SRRM1: variants seen among roughly 807,000 people sequenced by gnomAD.
The protein encoded by SRRM1 is serine/arginine repetitive matrix protein 1.
A neutral mutation model predicts 110.2 loss-of-function variants in SRRM1; 19 were observed. The ratio of observed to expected loss-of-function variants is 0.17; its 90% CI spans 0.12 to 0.25. The LOEUF is 0.25. SRRM1 is among the 10% of genes least tolerant of loss of function. SRRM1 has a pLI of 1.00. For missense variants in SRRM1, 918 were observed against 1,145.8 expected, an observed-to-expected ratio of 0.80 and a Z score of 2.87; for synonymous variants, 443 against 414.9, an observed-to-expected ratio of 1.07 and a Z score of -0.82.
rs140895941 is a variant in SRRM1, at chr1:24,651,491, C to G, written c.604C>G (p.Arg202Gly). ...AAAGCGCAGTCATTCTCGATCTCCC[C>G]GTCACAGAACCAAGAGCCGGAGTCC... ...ERKRSHSRSPRHRTKSRSPSP... is the reference protein window; with the variant it reads ...ERKRSHSRSPGHRTKSRSPSP... Residue 202 changes from arginine (R) to glycine (G), a missense_variant, in exon 6 of 17, where the codon CGT (arginine) becomes GGT (glycine). Coordinates refer to ENST00000323848, the MANE Select transcript of SRRM1 (RefSeq NM_005839.4). The G allele has an allele frequency of 6.8e-6, 11 of 1,614,008 alleles. No individual in the cohort carries two copies. Among genetic ancestry groups the G allele is most frequent in the Non-Finnish European group, 8.5e-6 (10 of 1,180,024 alleles).
chr1:24,654,757 C>T (rs1663028175), intron 8 of SRRM1, 98 bp from the exon 9 acceptor site: 13 of 1,426,232 alleles, frequency 9.1e-6, no homozygotes, highest in East Asian at 2.3e-5. Context: ...ACTCAAAAGT[C>T]GGATTAAAAT....
chr1:24,664,099 G>A (rs375204877), intron 12 of SRRM1, among the ~76,000 whole-genome samples: 3 of 147,420 alleles, frequency 2.0e-5, no homozygotes, highest in African/African-American at 5.0e-5. Context: ...AGGTTCAAAC[G>A]ATTCTCCTGC....
chr1:24,644,054 T>G (rs1655682737), intron 1 of SRRM1, among the ~76,000 whole-genome samples: 1 of 152,134 alleles, frequency 6.6e-6, no homozygotes, highest in Admixed American at 6.5e-5. Context: ...GTGGAGTGAT[T>G]CAATTCCTTC....
At position 24,667,965 on chromosome 1, in the gene SRRM1, CTTTTTTTTT is replaced by C. The variant is rs1038405035; in HGVS notation, c.1739+1059_1739+1067del. 3.1e-4 allele frequency among the ~76,000 whole-genome samples: 21 copies of C among 68,530 alleles called. No homozygotes were observed. The East Asian group carries it at 4.4e-3, about 14-fold the overall frequency. 45.0% of individuals were successfully genotyped at this position (68,530 alleles called of 152,430 possible). On this transcript the variant is annotated intron_variant, in intron 13 of 16. Transcript: ENST00000323848. The stretch of plus-strand genomic sequence containing the variant: ...AGCAATGTAATGACATGCTGCCACT[CTTTTTTTTT>C]TTTTTTTTTTTTTTTTTTGAGACAG...
rs768701929 is a variant in SRRM1 at position 24,669,494 on chromosome 1, C to T, written c.2111C>T (p.Ala704Val). 3.7e-6 allele frequency: 6 copies of T among 1,612,154 alleles called. No individual in the cohort carries two copies. In the African/African-American group the frequency reaches 4.0e-5, roughly 11 times the overall value. The change falls in exon 14 of 17, where the codon GCG (alanine) becomes GTG (valine). Residue 704 changes from alanine to valine, a missense_variant. This residue lies in a region of SRRM1 where 357 missense variants were observed against 402.9 expected (regional missense o/e 0.89). Coordinates refer to ENST00000323848, the MANE Select transcript of SRRM1 (RefSeq NM_005839.4). ...SSSPPPVRRG[A>V]SSSPQRRQSP... The stretch of plus-strand genomic sequence containing the variant: ...AGTCCTCCACCCGTTCGAAGAGGAG[C>T]GTCGTCATCACCCCAAAGAAGGCAG...
At chr1:24,662,969 G>T in intron 12 of SRRM1, 165 bp downstream of exon 12, 5 of 1,031,828 alleles carry the variant, frequency 4.8e-6, no homozygotes, top group Non-Finnish European at 5.5e-6. Flanking sequence ...TTGCTTTATT[G>T]GTGGTTATTA....
Position 24,654,935 on chromosome 1 carries a change from C to G in SRRM1, c.1121C>G (p.Pro374Arg). 1 of 1,614,170 alleles carries G rather than the reference C, an allele frequency of 6.2e-7. No homozygotes were observed. The highest frequency in any genetic ancestry group is 8.5e-7 in the Non-Finnish European group (1 of 1,180,032). ...SSRSRSPPKK[P>R]PKRTSSPPRK... The stretch of plus-strand genomic sequence containing the variant: ...CGTTCACGGTCACCACCAAAGAAGC[C>G]TCCCAAGAGGACATCCAGCCCCCCT... Residue 374 changes from proline (P) to arginine (R), a missense_variant, in exon 9 of 17, where the codon CCT (proline) becomes CGT (arginine). Physicochemically the swap from Pro to Arg is moderately radical, Grantham distance 103. Around this residue, in one of 5 missense-constraint regions of SRRM1, gnomAD observed 456 missense variants for 453.5 expected, o/e 1.01. Coordinates refer to ENST00000323848, the MANE Select transcript of SRRM1 (RefSeq NM_005839.4).
In SRRM1 at chr1:24,646,799, T is replaced by C. The variant is rs375123895; in HGVS notation, c.234+10T>C. On this transcript the variant is annotated intron_variant, in intron 3 of 16. Transcript: ENST00000323848. ...CCAGCTGGAAGTGAAGGTACTAATA[T>C]ACAAATGGCTCTTGTTTCTGAATAT... 61 of 1,566,396 alleles carry C rather than the reference T, an allele frequency of 3.9e-5. No homozygotes were observed. The highest frequency in any genetic ancestry group is 4.9e-5 in the Non-Finnish European group (57 of 1,163,384).
At chr1:24,653,898 G>A (rs985695787) in intron 8 of SRRM1, among the ~76,000 whole-genome samples, 3 of 152,136 alleles carry the variant, frequency 2.0e-5, no homozygotes, top group African/African-American at 7.2e-5. Flanking sequence ...AAATAAAGAG[G>A]GGAAAAATCA....
intron 9 of SRRM1, among the ~76,000 whole-genome samples, chr1:24,660,085 C>T (rs1248226737): frequency 6.6e-6 from 1 of 152,152 alleles, no homozygotes; most frequent in Non-Finnish European, 1.5e-5. Flanking sequence ...TTCATGAGAT[C>T]TTATTTCTTA....
chr1:24,659,231 T>C (rs1665909433), intron 9 of SRRM1, among the ~76,000 whole-genome samples: 1 of 152,166 alleles, frequency 6.6e-6, no homozygotes, highest in Admixed American at 6.5e-5. Flanking sequence ...AAAAGTCTGT[T>C]CATTGAAAAG....
chr1:24,644,009 G>A (rs1655641760), intron 1 of SRRM1, among the ~76,000 whole-genome samples: 1 of 152,152 alleles, frequency 6.6e-6, no homozygotes, highest in Non-Finnish European at 1.5e-5. Flanking sequence ...GGTAGAGGGT[G>A]CAACGAAAAC....
chr1:24,666,770 C>A, intron 12 of SRRM1, 45 bp from the exon 13 acceptor site: 1 of 1,529,118 alleles, frequency 6.5e-7, no homozygotes, highest in East Asian at 2.4e-5. Context: ...ATCACACACA[C>A]ACAAAAAAAA....
Position 24,671,523 on chromosome 1 carries a change from C to T in SRRM1, c.2538C>T (p.Thr846=), listed in dbSNP as rs781682381. The part of the protein sequence containing the change: ...AVAAAAAAAV[T]PAAIAAATTT... Reference sequence around the variant, plus strand: ...CTGCAGCTGCTGCAGCTGCTGTGACCCCTGCAGCCATTGCAGCTGCCACAA... The same window carrying T: ...CTGCAGCTGCTGCAGCTGCTGTGACTCCTGCAGCCATTGCAGCTGCCACAA... The change falls in exon 16 of 17, where the codon ACC becomes ACT. Residue 846 remains threonine, a synonymous_variant. Transcript: ENST00000323848. 1.9e-6 allele frequency: 3 copies of T among 1,609,848 alleles called. No individual in the cohort carries two copies. The highest frequency in any genetic ancestry group is 1.1e-5 in the South Asian group (1 of 90,068).
intron 8 of SRRM1, 39 bp downstream of exon 8, chr1:24,653,071 A>G: frequency 1.3e-6 from 2 of 1,581,458 alleles, no homozygotes; most frequent in Non-Finnish European, 8.6e-7. Context: ...AGTGTTTGAC[A>G]CTTCTGGATA....
chr1:24,644,484 G>C (rs1489690398), intron 1 of SRRM1, among the ~76,000 whole-genome samples: 3 of 152,230 alleles, frequency 2.0e-5, no homozygotes, highest in African/African-American at 7.2e-5. Context: ...AATTGGAAGG[G>C]AGGAGGGCCA....
At chr1:24,652,029 A>AAAAAATAT (rs1387655792) in intron 6 of SRRM1, among the ~76,000 whole-genome samples, 1 of 79,846 alleles carries the variant, frequency 1.3e-5, no homozygotes, top group African/African-American at 4.2e-5. Flanking sequence ...CTGTACTAAA[A>AAAAAATAT]ATATATATAT....
intron 9 of SRRM1, among the ~76,000 whole-genome samples, chr1:24,660,256 T>C (rs970759482): frequency 2.2e-4 from 34 of 152,228 alleles, no homozygotes; most frequent in East Asian, 3.8e-4. Context: ...AGGTTTACTT[T>C]ACTGAGCTTG....
chr1:24,644,836 A>G (rs1373625843), intron 1 of SRRM1, among the ~76,000 whole-genome samples: 1 of 152,218 alleles, frequency 6.6e-6, no homozygotes, highest in African/African-American at 2.4e-5. Flanking sequence ...TTTCTGTGGA[A>G]AGGAGTCCAA....
Sources: gnomAD v4.1 joint callset for allele counts (sites outside exome capture counted in the v4.1 genomes callset) on GRCh38, gnomAD v4.1.1 for gene constraint, gnomAD v4.1.1 regional missense constraint, MANE v1.5 for transcripts, NCBI Gene and HGNC (gene_info 2026-07-23, HGNC 2026-07-21) for gene names.